JAKMIP1: variants seen among roughly 807,000 people sequenced by gnomAD.
JAKMIP1 encodes the protein janus kinase and microtubule interacting protein 1, also known as janus kinase and microtubule-interacting protein 1.
In JAKMIP1, 33 loss-of-function variants were observed where a neutral mutation model predicts 113.0. The observed-to-expected ratio is 0.29, with a 90% CI of 0.22 to 0.39. The LOEUF (loss-of-function observed/expected upper bound fraction) is 0.39. Among genes scored for constraint, JAKMIP1 ranks in the 10% least tolerant of loss-of-function variants. JAKMIP1 has a pLI of 1.00. For missense variants in JAKMIP1, 813 were observed against 1,080.5 expected, an observed-to-expected ratio of 0.75 and a Z score of 3.47; for synonymous variants, 480 against 459.9, an observed-to-expected ratio of 1.04 and a Z score of -0.56.
In JAKMIP1 at chr4:6,028,099, G is replaced by A. The variant is rs956375106; in HGVS notation, c.2445+1617C>T. Among the ~76,000 whole-genome samples, 8 of 152,220 alleles carry A rather than the reference G, an allele frequency of 5.3e-5. No homozygotes were observed. The East Asian group carries it at 5.8e-4, about 11-fold the overall frequency. ...GGCCTGAGGCAGAGGGGTGAATTCC[G>A]TGGGGCAGAGGGGTGAATTTCCCAG... On this transcript the variant is annotated intron_variant, in intron 20 of 20. Transcript: ENST00000409021.
Position 6,135,386 on chromosome 4 carries a change from G to A in JAKMIP1, c.-147-22389C>T, listed in dbSNP as rs73795743. On this transcript the variant is annotated intron_variant, in intron 1 of 20. Coordinates refer to ENST00000409021, the MANE Select transcript of JAKMIP1 (RefSeq NM_001099433.2). This position sits in a 1 kb window ranked among gnomAD's most constrained non-coding sequence, Gnocchi z 4.9. ...TCTACAAGCCAAGGAGAGAGGCTTC[G>A]GAAGAAACCAACCCTGGTGGCAGCT... Among the ~76,000 whole-genome samples the A allele has an allele frequency of 2.0e-3, 303 of 152,210 alleles. 3 individuals are homozygous for A. Among genetic ancestry groups the A allele is most frequent in the African/African-American group, 6.8e-3 (283 of 41,526 alleles).
At position 6,139,130 on chromosome 4, in the gene JAKMIP1, T is replaced by C. The variant is rs547984928; in HGVS notation, c.-147-26133A>G. 1.7e-4 allele frequency among the ~76,000 whole-genome samples: 26 copies of C among 152,076 alleles called. No individual in the cohort carries two copies. The highest frequency in any genetic ancestry group is 3.3e-4 in the Admixed American group (5 of 15,286). ...CCAGCAGGTCAGCCCTGCTCTCCTCTGGACTCCTCTTATGCCTGAGCCCCA... is the reference window on the plus strand; with the variant it reads ...CCAGCAGGTCAGCCCTGCTCTCCTCCGGACTCCTCTTATGCCTGAGCCCCA... On this transcript the variant is annotated intron_variant, in intron 1 of 20. Transcript: ENST00000409021. This position sits in a 1 kb window ranked among gnomAD's most constrained non-coding sequence, Gnocchi z 5.2.
At chr4:6,100,905 T>C (rs1285303277) in intron 3 of JAKMIP1, among the ~76,000 whole-genome samples, 1 of 152,218 alleles carries the variant, frequency 6.6e-6, no homozygotes, top group Non-Finnish European at 1.5e-5. Context: ...TGCCCATTTT[T>C]GAGTTTTCAT....
chr4:6,196,305 C>A (rs1443384256), intron 1 of JAKMIP1, among the ~76,000 whole-genome samples: 2 of 152,218 alleles, frequency 1.3e-5, no homozygotes, highest in African/African-American at 2.4e-5. Flanking sequence ...GCTTCCTAAC[C>A]CAGCCCTTCA....
At chr4:6,113,296 C>A (rs534213562) in intron 1 of JAKMIP1, among the ~76,000 whole-genome samples, 1 of 152,220 alleles carries the variant, frequency 6.6e-6, no homozygotes, top group Non-Finnish European at 1.5e-5. Context: ...CAGGATGAGA[C>A]CAGCCCATCT....
At position 6,093,092 on chromosome 4, in the gene JAKMIP1, G is replaced by C. The variant is rs147070831; in HGVS notation, c.625-7463C>G. 5.9e-5 allele frequency among the ~76,000 whole-genome samples: 9 copies of C among 152,220 alleles called. No homozygotes were observed. The highest frequency in any genetic ancestry group is 2.2e-4 in the African/African-American group (9 of 41,524). On this transcript the variant is annotated intron_variant, in intron 3 of 20. Coordinates refer to ENST00000409021, the MANE Select transcript of JAKMIP1 (RefSeq NM_001099433.2). This position sits in a 1 kb window ranked among gnomAD's most constrained non-coding sequence, Gnocchi z 4.6. ...CCATTACTTCCAAACCTTTGCCAGTGTTTCTCCCTCTGCATAGGATCACCT... is the reference window on the plus strand; with the variant it reads ...CCATTACTTCCAAACCTTTGCCAGTCTTTCTCCCTCTGCATAGGATCACCT...
chr4:6,121,716 A>C (rs1346338033), intron 1 of JAKMIP1, among the ~76,000 whole-genome samples: 3 of 152,260 alleles, frequency 2.0e-5, no homozygotes, highest in Non-Finnish European at 4.4e-5. Context: ...AGCATTAAAC[A>C]GAGGAACCAG....
chr4:6,149,724 C>T (rs1721327217), intron 1 of JAKMIP1, among the ~76,000 whole-genome samples: 1 of 152,124 alleles, frequency 6.6e-6, no homozygotes, highest in South Asian at 2.1e-4. Context: ...TGGCCAGGGC[C>T]CTGCACCTCT....
intron 13 of JAKMIP1, among the ~76,000 whole-genome samples, chr4:6,052,977 T>G (rs988051307): frequency 1.3e-5 from 2 of 152,142 alleles, no homozygotes; most frequent in African/African-American, 4.8e-5. Flanking sequence ...CAGACAGAAT[T>G]GTAACTCAAG....
At chr4:6,074,034 C>T (rs1241069947) in intron 8 of JAKMIP1, among the ~76,000 whole-genome samples, 2 of 152,260 alleles carry the variant, frequency 1.3e-5, no homozygotes, top group African/African-American at 4.8e-5. Flanking sequence ...GGATCCTTCT[C>T]CTCCAACCTC....
chr4:6,103,444 A>G (rs1359799061), intron 3 of JAKMIP1, among the ~76,000 whole-genome samples: 11 of 152,208 alleles, frequency 7.2e-5, no homozygotes, highest in Admixed American at 7.2e-4. Flanking sequence ...ATCTATGTTC[A>G]TAAAAGGTAA....
rs998201960 is a variant in JAKMIP1, at chr4:6,172,189, A to C, written c.-148+28064T>G. On this transcript the variant is annotated intron_variant, in intron 1 of 20. Coordinates refer to ENST00000409021, the MANE Select transcript of JAKMIP1 (RefSeq NM_001099433.2). Reference sequence around the variant, plus strand: ...ACAGATTTCTCTGGTCTGACTTGGCAGGAAAGCTGCTCAGGGCAAAGGATG... The same window carrying C: ...ACAGATTTCTCTGGTCTGACTTGGCCGGAAAGCTGCTCAGGGCAAAGGATG... Among the ~76,000 whole-genome samples the C allele has an allele frequency of 5.9e-5, 9 of 152,356 alleles. No homozygotes were observed. The South Asian group carries it at 1.9e-3, about 32-fold the overall frequency.
intron 12 of JAKMIP1, among the ~76,000 whole-genome samples, chr4:6,056,194 C>T (rs983793398): frequency 1.3e-5 from 2 of 150,388 alleles, no homozygotes; most frequent in African/African-American, 4.9e-5. Flanking sequence ...TGGGACCTGT[C>T]CTCCCCATTT....
intron 1 of JAKMIP1, among the ~76,000 whole-genome samples, chr4:6,165,701 G>C (rs71599879): frequency 0.028 from 4,202 of 152,238 alleles, 101 homozygotes; most frequent in Admixed American, 0.066. Context: ...ACTTTTACAG[G>C]CACTGGGAAA....
chr4:6,196,052 C>T (rs751392553), intron 1 of JAKMIP1, among the ~76,000 whole-genome samples: 4 of 152,214 alleles, frequency 2.6e-5, no homozygotes, highest in Non-Finnish European at 5.9e-5. Flanking sequence ...CATAACACTT[C>T]GGGTTGCAGT....
At chr4:6,091,360 T>C (rs1253326336) in intron 3 of JAKMIP1, among the ~76,000 whole-genome samples, 3 of 151,798 alleles carry the variant, frequency 2.0e-5, no homozygotes, top group Non-Finnish European at 4.4e-5. Flanking sequence ...CACAGAGTAT[T>C]TTTTCCCCCA....
intron 16 of JAKMIP1, among the ~76,000 whole-genome samples, chr4:6,043,010 C>T (rs1031902118): frequency 6.6e-6 from 1 of 151,976 alleles, no homozygotes; most frequent in African/African-American, 2.4e-5. Flanking sequence ...CGTGGATGTG[C>T]CTCTACGAGG....
In JAKMIP1 at chr4:6,105,321, T is replaced by G. The variant is rs1034279728; in HGVS notation, c.624+152A>C. The G allele has an allele frequency of 7.4e-6, 5 of 679,162 alleles. No homozygotes were observed. The African/African-American group carries it at 9.0e-5, about 12-fold the overall frequency. 42.1% of individuals were successfully genotyped at this position (679,162 alleles called of 1,614,324 possible). A position where few individuals can be genotyped will look rare whatever the true frequency, so the allele number is the denominator to read the frequency against. ...GATTACCTGCAGCCCCAAAGCCTCC[T>G]TACCACACCTAAGACGGGAGGGAGG... is the stretch of plus-strand genomic sequence containing the variant. On this transcript the variant is annotated intron_variant, in intron 3 of 20. Transcript: ENST00000409021.
chr4:6,173,927 A>C (rs567701534), intron 1 of JAKMIP1, among the ~76,000 whole-genome samples: 1 of 152,128 alleles, frequency 6.6e-6, no homozygotes, highest in African/African-American at 2.4e-5. Flanking sequence ...AATACAAAAA[A>C]AAAATTTAGC....
Sources: allele counts gnomAD v4.1 joint callset (sites outside exome capture counted in the v4.1 genomes callset), GRCh38; gene constraint gnomAD v4.1.1; non-coding constraint Gnocchi (gnomAD v3.1); transcripts MANE v1.5; gene names NCBI Gene and HGNC (gene_info 2026-07-23, HGNC 2026-07-21).